Variants in CD207 observed in about 807,000 individuals in gnomAD.
The protein encoded by CD207 is C-type lectin domain family 4 member K.
In CD207, 28 loss-of-function variants were observed where a neutral mutation model predicts 31.6. The observed-to-expected ratio is 0.89, with a 90% confidence interval of 0.66 to 1.21. The LOEUF (loss-of-function observed/expected upper bound fraction) is 1.21. CD207 is among the 50% of genes most tolerant of loss of function. The pLI is 0.00. For synonymous variants in CD207, 168 were observed against 153.9 expected (o/e 1.09, Z -0.68); for missense variants, 388 against 397.8 (o/e 0.98, Z 0.21).
rs782336862 is a variant in CD207, at chr2:70,833,869, C to T, written c.342G>A (p.Glu114=). The change falls in exon 3 of 6, where the codon GAG becomes GAA. Residue 114 remains glutamate, a synonymous_variant. Transcript: ENST00000410009. The part of the protein sequence containing the change: ...AAGVQIQMVN[E]SLGYVRSQFL... ...ACTGAGAACGCACATAACCCAGGCT[C>T]TCATTCACCATCTGGATCTGAACGC... The T allele has an allele frequency of 1.2e-6, 2 of 1,613,434 alleles. No homozygotes were observed. Among genetic ancestry groups the T allele is most frequent in the African/African-American group, 2.7e-5 (2 of 75,050 alleles).
In CD207 at chr2:70,835,504, C is replaced by A. The variant is rs1677592329; in HGVS notation, c.177G>T (p.Leu59=). The A allele has an allele frequency of 6.2e-7, 1 of 1,612,462 alleles. No homozygotes were observed. Among genetic ancestry groups the A allele is most frequent in the South Asian group, 1.1e-5 (1 of 91,020 alleles). The change falls in exon 2 of 6, where the codon CTG becomes CTT. Residue 59 remains leucine (L), a synonymous_variant. Transcript: ENST00000410009. The part of the protein sequence containing the change: ...LTLVLVASVL[L]QAVLYPRFMG... ...ATGAGGACTTACAAAGGACGGCCTG[C>A]AGCAGGACGGAGGCGACCAGGACCA...
chr2:70,832,921 CGA>C lies in CD207; in HGVS notation c.694_695del (p.Ser232GlyfsTer6). On this transcript the variant is annotated frameshift_variant, in exon 4 of 6. Coordinates refer to ENST00000410009, the MANE Select transcript of CD207 (RefSeq NM_015717.5). LOFTEE classifies it high-confidence loss of function. ...TCACCTGCTCACTCTCTGAGGTCAC[CGA>C]GGTCAGGTGTGAATTCCTGGACACA... Reference protein sequence around the residue: ...FCVSRNSHLTSVTSESEQEFL... With the variant: ...FCVSRNSHLTXVTSESEQEFL... 1 of 1,613,690 alleles carries C rather than the reference CGA, an allele frequency of 6.2e-7. No individual in the cohort carries two copies.
At position 70,834,600 on chromosome 2, in the gene CD207, A is replaced by G. The variant is rs565289918; in HGVS notation, c.191-580T>C. On this transcript the variant is annotated intron_variant, in intron 2 of 5. Coordinates refer to ENST00000410009, the MANE Select transcript of CD207 (RefSeq NM_015717.5). The stretch of plus-strand genomic sequence containing the variant: ...ACTGTTTCTCCCCTTCCCTTGCCCC[A>G]CCCACTTTCACATTCTGCTCAGGTC... Among the ~76,000 whole-genome samples the G allele has an allele frequency of 2.6e-5, 4 of 152,144 alleles. No individual in the cohort carries two copies. The South Asian group carries it at 8.3e-4, about 32-fold the overall frequency.
At chr2:70,831,308 G>T in intron 5 of CD207, 108 bp from the exon 6 acceptor site, 2 of 1,125,754 alleles carry the variant, frequency 1.8e-6, no homozygotes, top group Non-Finnish European at 1.3e-6. Context: ...CCTAGGGAAT[G>T]GCATAGCAAA....
At chr2:70,826,947 C>G (rs1553398984), downstream of CD207, among the ~76,000 whole-genome samples, 1 of 152,200 alleles carries the variant, frequency 6.6e-6, no homozygotes, top group African/African-American at 2.4e-5. Context: ...TAAAACACTT[C>G]AATGTTTCCT....
chr2:70,831,794 C>T lies in CD207; in HGVS notation c.743G>A (p.Gly248Glu). 1.2e-6 allele frequency: 2 copies of T among 1,611,762 alleles called. No individual in the cohort carries two copies. The highest frequency in any genetic ancestry group is 1.7e-6 in the Non-Finnish European group (2 of 1,177,942). ...AGTCAGGCCAATCCAGTAGATGAGT[C>T]CCCCCGCTGTTTTATACAGAAACTC... ...EQEFLYKTAG[G>E]LIYWIGLTKA... is the part of the protein sequence containing the mutation. The change falls in exon 5 of 6, where the codon GGA (glycine) becomes GAA (glutamate). Residue 248 changes from glycine (G) to glutamate (E), a missense_variant. Gly to Glu is a moderately conservative substitution (Grantham distance 98). Coordinates refer to ENST00000410009, the MANE Select transcript of CD207 (RefSeq NM_015717.5).
chr2:70,827,323 T>G (rs1677368146), downstream of CD207, among the ~76,000 whole-genome samples: 1 of 152,020 alleles, frequency 6.6e-6, no homozygotes. Context: ...AAACAGAGAT[T>G]CATTCTGAGA....
At chr2:70,833,605 G>A (rs782269880) in intron 3 of CD207, 41 bp downstream of exon 3, 49 of 1,540,232 alleles carry the variant, frequency 3.2e-5, no homozygotes, top group Non-Finnish European at 4.2e-5. Context: ...AGATCCCATG[G>A]GCCACTGGTC....
At chr2:70,835,242 T>G (rs927678008) in intron 2 of CD207, among the ~76,000 whole-genome samples, 5 of 152,214 alleles carry the variant, frequency 3.3e-5, no homozygotes, top group Admixed American at 3.3e-4. Flanking sequence ...GACAAAAGAA[T>G]GTATCCTTGA....
Position 70,835,574 on chromosome 2 carries a change from G to A in CD207, c.107C>T (p.Pro36Leu), listed in dbSNP as rs782242067. The change falls in exon 2 of 6, where the codon CCG becomes CTG. Residue 36 changes from proline to leucine, a missense_variant. Coordinates refer to ENST00000410009, the MANE Select transcript of CD207 (RefSeq NM_015717.5). ...AGCACGGACTGTGGGTGTTTTCCCC[G>A]GGACCAGAGATGGACCGGACTTGGG... is the stretch of plus-strand genomic sequence containing the variant. ...PPPKSGPSLV[P>L]GKTPTVRAAL... The A allele has an allele frequency of 8.2e-5, 133 of 1,613,884 alleles. No individual in the cohort carries two copies. Among genetic ancestry groups the A allele is most frequent in the Middle Eastern group, 3.3e-4 (2 of 6,080 alleles).
intron 2 of CD207, 23 bp from the exon 3 acceptor site, chr2:70,834,043 G>A (rs1677546515): frequency 2.0e-6 from 3 of 1,500,386 alleles, no homozygotes; most frequent in East Asian, 2.3e-5. Context: ...AAGTCAGGAG[G>A]TCAGCTGAGG....
chr2:70,833,150 A>T, intron 3 of CD207, 99 bp from the exon 4 acceptor site: 9 of 1,141,754 alleles, frequency 7.9e-6, no homozygotes, highest in Non-Finnish European at 1.2e-5. Flanking sequence ...ACAGCAGCAA[A>T]TGGAGCTGTG....
chr2:70,831,893 C>A, intron 4 of CD207, 74 bp from the exon 5 acceptor site: 1 of 1,001,700 alleles, frequency 1.0e-6, no homozygotes, highest in South Asian at 1.3e-5. Context: ...GTGTTCTTCA[C>A]CTGCGCTCAG....
chr2:70,829,692 A>G (rs1544649), downstream of CD207, among the ~76,000 whole-genome samples: 106,655 of 152,030 alleles, frequency 0.7, 37,506 homozygotes, highest in Middle Eastern at 0.76. Context: ...GTCTTACAAT[A>G]CAAGCCTGTG....
rs372230506 is a variant in CD207, at chr2:70,835,554, G to A, written c.127C>T (p.Arg43Cys). 3.8e-5 allele frequency: 61 copies of A among 1,613,986 alleles called. No individual in the cohort carries two copies. The highest frequency in any genetic ancestry group is 1.5e-4 in the Admixed American group (9 of 60,026). Residue 43 changes from arginine to cysteine, a missense_variant, in exon 2 of 6, where the codon CGT becomes TGT. Coordinates refer to ENST00000410009, the MANE Select transcript of CD207 (RefSeq NM_015717.5). Reference protein sequence around the residue: ...SLVPGKTPTVRAALICLTLVL... With the variant: ...SLVPGKTPTVCAALICLTLVL... ...AGCGTCAGGCAGATTAATGCAGCAC[G>A]GACTGTGGGTGTTTTCCCCGGGACC...
At chr2:70,828,688 C>A (rs193034931), downstream of CD207, among the ~76,000 whole-genome samples, 3 of 152,058 alleles carry the variant, frequency 2.0e-5, no homozygotes, top group African/African-American at 7.2e-5. Context: ...TTTTTTGAAA[C>A]AAAGTCTTGC....
downstream of CD207, among the ~76,000 whole-genome samples, chr2:70,827,078 C>G (rs782593933): frequency 8.5e-5 from 13 of 152,124 alleles, no homozygotes; most frequent in Non-Finnish European, 1.8e-4. Flanking sequence ...CTTGGTGCCT[C>G]AGGCCTGTCA....
rs371184954 is a variant in CD207, at chr2:70,831,189, G to A, written c.848C>T (p.Pro283Leu). The change falls in exon 6 of 6, where the codon CCA (proline) becomes CTA (leucine). Residue 283 changes from proline to leucine, a missense_variant. Coordinates refer to ENST00000410009, the MANE Select transcript of CD207 (RefSeq NM_015717.5). ...NKVQSVRFWI[P>L]GEPNNAGNNE... ...GTTCCCAGCATTGTTGGGCTCACCT[G>A]GAATCCAGAACCTACCAAGAGCGGG... 6.4e-5 allele frequency: 104 copies of A among 1,613,188 alleles called. No individual in the cohort carries two copies. The highest frequency in any genetic ancestry group is 7.8e-5 in the Non-Finnish European group (92 of 1,179,616).
At chr2:70,834,996 G>A (rs574409516) in intron 2 of CD207, among the ~76,000 whole-genome samples, 16 of 152,332 alleles carry the variant, frequency 1.1e-4, no homozygotes, top group African/African-American at 1.7e-4. Context: ...CAGCACCAAC[G>A]AGTCCTGGGG....
Sources: gnomAD v4.1 joint callset for allele counts (sites outside exome capture counted in the v4.1 genomes callset) on GRCh38, gnomAD v4.1.1 for gene constraint, MANE v1.5 for transcripts, NCBI Gene and HGNC (gene_info 2026-07-23, HGNC 2026-07-21) for gene names.